The following PMEPA1 variants were observed in gnomAD, a reference collection of about 807,000 sequenced individuals.
PMEPA1 encodes the protein protein TMEPAI.
PMEPA1 carries 11 observed loss-of-function variants against 23.0 expected under a neutral mutation model. The observed-to-expected ratio is 0.48, with a 90% CI of 0.30 to 0.79. PMEPA1 has a LOEUF of 0.79. PMEPA1 is among the 30% of genes least tolerant of loss of function. PMEPA1 has a pLI of 0.06. For synonymous variants in PMEPA1, 204 were observed against 166.4 expected (o/e 1.23, Z -1.74); for missense variants, 377 against 390.9 (o/e 0.96, Z 0.30).
intron 1 of PMEPA1, among the ~76,000 whole-genome samples, chr20:57,708,370 T>A (rs1036013682): frequency 1.3e-5 from 2 of 152,170 alleles, no homozygotes; most frequent in Non-Finnish European, 2.9e-5. Flanking sequence ...AGGTGTAGGC[T>A]AGAAGCTAGA....
Position 57,652,426 on chromosome 20 carries a change from G to A in PMEPA1, c.491C>T (p.Pro164Leu). The A allele has an allele frequency of 6.2e-7, 1 of 1,613,786 alleles. No individual in the cohort carries two copies. The highest frequency in any genetic ancestry group is 8.5e-7 in the Non-Finnish European group (1 of 1,179,886). Residue 164 changes from proline to leucine, a missense_variant, in exon 4 of 4, where the codon CCC becomes CTC. By Grantham distance (98) the Pro-to-Leu change is moderately conservative. Around this residue, in one of 3 missense-constraint regions of PMEPA1, gnomAD observed 176 missense variants for 173.0 expected, o/e 1.02. Transcript: ENST00000341744. This position sits in a 1 kb window ranked among gnomAD's most constrained non-coding sequence, Gnocchi z 6.1. ...GGGGTCCCGAAGCTGGAGGGTGCAG[G>A]GGCCCTGGTAGGGTGGGGGCTCCTC... ...DGEEPPPYQGPCTLQLRDPEQ... is the reference protein window; with the variant it reads ...DGEEPPPYQGLCTLQLRDPEQ...
chr20:57,663,901 T>C (rs2071457097), intron 1 of PMEPA1, among the ~76,000 whole-genome samples: 1 of 152,170 alleles, frequency 6.6e-6, no homozygotes, highest in African/African-American at 2.4e-5. Flanking sequence ...CCGGCGCGGA[T>C]GCTGTGCGGG....
At chr20:57,700,604 C>T (rs2071998477) in intron 1 of PMEPA1, among the ~76,000 whole-genome samples, 1 of 152,144 alleles carries the variant, frequency 6.6e-6, no homozygotes, top group Non-Finnish European at 1.5e-5. Context: ...CACAATCAAC[C>T]TTTATCCACC....
At position 57,683,557 on chromosome 20, in the gene PMEPA1, G is replaced by A. The variant is rs537501985; in HGVS notation, c.110-23860C>T. On this transcript the variant is annotated intron_variant, in intron 1 of 3. Transcript: ENST00000341744. This position sits in a 1 kb window ranked among gnomAD's most constrained non-coding sequence, Gnocchi z 4.3. ...TGGTGGTGTTCTGGCCTGTGTGCGT[G>A]TGTGTGTGTGTGTGTGTGTGTGTGT... Among the ~76,000 whole-genome samples, 160 of 104,214 alleles carry A rather than the reference G, an allele frequency of 1.5e-3. No homozygotes were observed. The highest frequency in any genetic ancestry group is 2.1e-3 in the Non-Finnish European group (96 of 45,240). The allele number at this position is 104,214 out of a possible 152,430, so 68.4% of individuals were successfully genotyped here. A position where few individuals can be genotyped will look rare whatever the true frequency, so the allele number is the denominator to read the frequency against.
chr20:57,654,818 T>C (rs1408899422), intron 2 of PMEPA1, among the ~76,000 whole-genome samples: 1 of 152,100 alleles, frequency 6.6e-6, no homozygotes, highest in Non-Finnish European at 1.5e-5. Flanking sequence ...TGTCTCACCA[T>C]CTCCCAGAGG....
chr20:57,656,200 A>G lies in PMEPA1; in HGVS notation c.265-3114T>C, dbSNP rs6025707. 0.029 allele frequency among the ~76,000 whole-genome samples: 4,328 copies of G among 150,156 alleles called. 136 individuals carry two copies. The highest frequency in any genetic ancestry group is 0.08 in the African/African-American group (3,269 of 41,042). Reference sequence around the variant, plus strand: ...CTCCCATGTCCTCAGGAGATACTGAATTCCCCCACAGCCCAGCACAAGGGG... The same window carrying G: ...CTCCCATGTCCTCAGGAGATACTGAGTTCCCCCACAGCCCAGCACAAGGGG... On this transcript the variant is annotated intron_variant, in intron 2 of 3. Transcript: ENST00000341744. This position sits in a 1 kb window ranked among gnomAD's most constrained non-coding sequence, Gnocchi z 4.7.
Position 57,709,597 on chromosome 20 carries a change from C to G in PMEPA1, c.-15G>C, listed in dbSNP as rs1429356901. 1 of 973,178 alleles carries G rather than the reference C, an allele frequency of 1.0e-6. No individual in the cohort carries two copies. Among genetic ancestry groups the G allele is most frequent in the Admixed American group, 6.9e-5 (1 of 14,560 alleles). 60.3% of individuals were successfully genotyped at this position (973,178 alleles called of 1,614,324 possible). On this transcript the variant is annotated 5_prime_UTR_variant, in exon 1 of 4. Coordinates refer to ENST00000341744, the MANE Select transcript of PMEPA1 (RefSeq NM_020182.5). ...AAGCGGTGCATGGACGGCGCGGCGGCGCGGCGCGGGGCGCGGGGGGCTCGG... is the reference window on the plus strand; with the variant it reads ...AAGCGGTGCATGGACGGCGCGGCGGGGCGGCGCGGGGCGCGGGGGGCTCGG...
intron 1 of PMEPA1, among the ~76,000 whole-genome samples, chr20:57,698,693 C>T (rs57321745): frequency 0.015 from 2,330 of 152,290 alleles, 51 homozygotes; most frequent in African/African-American, 0.054. Context: ...GCGCGGCGGG[C>T]ACCAAGTTCC....
chr20:57,709,353 CGGGCGCA>C (rs1387926768), intron 1 of PMEPA1, 114 bp downstream of exon 1: 1 of 664,560 alleles, frequency 1.5e-6, no homozygotes, highest in Non-Finnish European at 1.9e-6. Context: ...GGGCGCTGCC[CGGGCGCA>C]GGGCGTTCGG....
chr20:57,665,650 G>A (rs550360166), intron 1 of PMEPA1, among the ~76,000 whole-genome samples: 9 of 152,192 alleles, frequency 5.9e-5, no homozygotes, highest in Admixed American at 1.3e-4. Context: ...AGCATCCCTC[G>A]TTCCCCTGAT....
In PMEPA1 at chr20:57,650,275, G is replaced by C. The variant is rs2071206578; in HGVS notation, c.*1778C>G. On this transcript the variant is annotated 3_prime_UTR_variant, in exon 4 of 4. Coordinates refer to ENST00000341744, the MANE Select transcript of PMEPA1 (RefSeq NM_020182.5). ...TTATATCTTTTATGTTAGTCTACTA[G>C]TCAGCATTCTGCCCAAAATGGAAAG... 1.3e-5 allele frequency: 2 copies of C among 152,224 alleles called. No individual in the cohort carries two copies. Among genetic ancestry groups the C allele is most frequent in the South Asian group, 2.1e-4 (1 of 4,836 alleles). The allele number at this position is 152,224 out of a possible 1,614,324, so 9.4% of individuals were successfully genotyped here. A position where few individuals can be genotyped will look rare whatever the true frequency, so the allele number is the denominator to read the frequency against.
rs771157421 is a variant in PMEPA1 at position 57,709,538 on chromosome 20, G to A, written c.45C>T (p.Ala15=). The stretch of plus-strand genomic sequence containing the variant: ...ACGTGCAGGAGACATTGGGCTGCCC[G>A]GCGGCGGCGGCGGCGGTGCTGTTGA... ...MGVNSTAAAA[A]GQPNVSCTCN... The change falls in exon 1 of 4, where the codon GCC becomes GCT. Residue 15 remains alanine, a synonymous_variant. Coordinates refer to ENST00000341744, the MANE Select transcript of PMEPA1 (RefSeq NM_020182.5). 3 of 1,063,256 alleles carry A rather than the reference G, an allele frequency of 2.8e-6. No homozygotes were observed. The highest frequency in any genetic ancestry group is 3.5e-6 in the Non-Finnish European group (3 of 857,536). The allele number at this position is 1,063,256 out of a possible 1,614,324, so 65.9% of individuals were successfully genotyped here.
At chr20:57,675,699 G>A (rs1259149128) in intron 1 of PMEPA1, among the ~76,000 whole-genome samples, 2 of 152,224 alleles carry the variant, frequency 1.3e-5, no homozygotes, top group South Asian at 2.1e-4. Context: ...GGGCGACCTC[G>A]CTAGAGAGGG....
At position 57,652,730 on chromosome 20, in the gene PMEPA1, G is replaced by T. The variant is rs532271927; in HGVS notation, c.319-132C>A. 65 of 871,324 alleles carry T rather than the reference G, an allele frequency of 7.5e-5. No individual in the cohort carries two copies. The African/African-American group carries it at 1.0e-3, about 14-fold the overall frequency. 54.0% of individuals were successfully genotyped at this position (871,324 alleles called of 1,614,324 possible). ...AAAGGGAGAGGGCAGCAGGGCTGGC[G>T]GGGGCGGGAGCCCAGAGCCTGATCC... On this transcript the variant is annotated intron_variant, in intron 3 of 3. Transcript: ENST00000341744. The surrounding 1 kb of genome is among the most constrained non-coding windows in gnomAD (Gnocchi z 6.1).
intron 1 of PMEPA1, among the ~76,000 whole-genome samples, chr20:57,705,894 C>A (rs1354285547): frequency 6.6e-6 from 1 of 152,176 alleles, no homozygotes; most frequent in Non-Finnish European, 1.5e-5. Context: ...TTCCTGCCCC[C>A]CAACAAAGAA....
intron 1 of PMEPA1, among the ~76,000 whole-genome samples, chr20:57,703,570 C>G (rs2072039369): frequency 6.6e-6 from 1 of 152,204 alleles, no homozygotes; most frequent in Non-Finnish European, 1.5e-5. Context: ...CTTGGGCCAG[C>G]AACGGGCATG....
chr20:57,653,467 C>A (rs1177590243), intron 2 of PMEPA1, among the ~76,000 whole-genome samples: 1 of 152,252 alleles, frequency 6.6e-6, no homozygotes, highest in African/African-American at 2.4e-5. Context: ...GGGCCTGGGC[C>A]CCCTGCTGGC....
intron 1 of PMEPA1, among the ~76,000 whole-genome samples, chr20:57,664,379 A>G (rs1466325686): frequency 6.6e-6 from 1 of 152,176 alleles, no homozygotes; most frequent in South Asian, 2.1e-4. Flanking sequence ...CCCTCCCCAC[A>G]CTAAGTCCCA....
At chr20:57,670,355 T>C (rs2071551316) in intron 1 of PMEPA1, among the ~76,000 whole-genome samples, 2 of 152,128 alleles carry the variant, frequency 1.3e-5, no homozygotes, top group African/African-American at 4.8e-5. Context: ...CAGATGATGG[T>C]TCTGAGTGTG....
Sources: allele counts gnomAD v4.1 joint callset (sites outside exome capture counted in the v4.1 genomes callset), GRCh38; gene constraint gnomAD v4.1.1; regional missense constraint gnomAD v4.1.1; non-coding constraint Gnocchi (gnomAD v3.1); transcripts MANE v1.5; gene names NCBI Gene and HGNC (gene_info 2026-07-23, HGNC 2026-07-21).